The following RNF123 variants were observed in gnomAD, a reference collection of about 807,000 sequenced individuals.
RNF123 encodes E3 ubiquitin-protein ligase RNF123.
A neutral mutation model predicts 168.5 loss-of-function variants in RNF123; 86 were observed. The observed-to-expected ratio is 0.51, with a 90% CI of 0.43 to 0.61. RNF123 has a LOEUF of 0.61. RNF123 is among the 20% of genes least tolerant of loss of function. The pLI, the probability that RNF123 is intolerant of heterozygous loss-of-function variation, is 0.00. For synonymous variants in RNF123, 666 were observed against 689.1 expected (o/e 0.97, Z 0.52); for missense variants, 1,419 against 1,729.7 (o/e 0.82, Z 3.19).
chr3:49,711,142 C>T (rs1559683537), intron 26 of RNF123, among the ~76,000 whole-genome samples: 1 of 152,154 alleles, frequency 6.6e-6, no homozygotes, highest in African/African-American at 2.4e-5. Context: ...TCAAGACCAG[C>T]CTGGCCAACA....
Position 49,697,892 on chromosome 3 carries a change from G to T in RNF123, c.350G>T (p.Gly117Val). The change falls in exon 6 of 39, where the codon GGA becomes GTA. Residue 117 changes from glycine to valine, a missense_variant. This residue lies in a region of RNF123 where 318 missense variants were observed against 446.6 expected (regional missense o/e 0.71). Transcript: ENST00000327697. Reference protein sequence around the residue: ...LVDDDLLGVIGHSNFGTIRST... With the variant: ...LVDDDLLGVIVHSNFGTIRST... ...CCCCTCTTCTTCACCCAGGTGATTG[G>T]ACACAGCAACTTTGGCACCATCCGC... is the stretch of plus-strand genomic sequence containing the variant. 6.2e-7 allele frequency: 1 copy of T among 1,614,174 alleles called. No individual in the cohort carries two copies. Among genetic ancestry groups the T allele is most frequent in the Non-Finnish European group, 8.5e-7 (1 of 1,180,022 alleles).
intron 19 of RNF123, 49 bp from the exon 20 acceptor site, chr3:49,702,584 C>G: frequency 6.2e-7 from 1 of 1,613,952 alleles, no homozygotes; most frequent in Non-Finnish European, 8.5e-7. Flanking sequence ...GAGGAATGGG[C>G]AAGGCACTGG....
chr3:49,714,283 C>A, intron 31 of RNF123, 109 bp downstream of exon 31: 1 of 960,986 alleles, frequency 1.0e-6, no homozygotes, highest in Non-Finnish European at 1.6e-6. Context: ...TCTGGTTCCC[C>A]CATTGGGTCC....
Position 49,704,641 on chromosome 3 carries a change from TCCTC to T in RNF123, c.1853-6_1853-3del. 6.2e-7 allele frequency: 1 copy of T among 1,606,196 alleles called. No individual in the cohort carries two copies. The highest frequency in any genetic ancestry group is 8.5e-7 in the Non-Finnish European group (1 of 1,176,230). On this transcript the variant is annotated splice_polypyrimidine_tract_variant and splice_region_variant and intron_variant, in intron 21 of 38. Coordinates refer to ENST00000327697, the MANE Select transcript of RNF123 (RefSeq NM_022064.5). The stretch of plus-strand genomic sequence containing the variant: ...ACTGGCCTGAGAACCCTCCTGCTCT[TCCTC>T]CCAGATGACCTTGCTTCCAAAGCCA...
At chr3:49,706,937 G>C (rs373111628) in intron 26 of RNF123, 39 bp downstream of exon 26, 32 of 1,565,714 alleles carry the variant, frequency 2.0e-5, no homozygotes, top group Middle Eastern at 1.7e-4. Context: ...CGACCTCACT[G>C]TCTGGCCACG....
chr3:49,690,052 G>GTA (rs2054097526), intron 1 of RNF123, among the ~76,000 whole-genome samples: 1 of 152,222 alleles, frequency 6.6e-6, no homozygotes, highest in Non-Finnish European at 1.5e-5. Context: ...GCCCACCGAG[G>GTA]GCCCGAGGTC....
Position 49,704,697 on chromosome 3 carries a change from C to T in RNF123, c.1900C>T (p.Gln634Ter). Reference protein sequence around the residue: ...ANIVIDPLELQSTAMDDLDED... With the variant: ...ANIVIDPLEL ...CATTGTGATCGACCCACTGGAGCTC[C>T]AGTCAACCGCCATGGATGACCTAGA... Residue 634 changes from glutamine (Q) to a stop codon, truncating the protein, a stop_gained, in exon 22 of 39, where the codon CAG becomes TAG. Coordinates refer to ENST00000327697, the MANE Select transcript of RNF123 (RefSeq NM_022064.5). LOFTEE classifies it high-confidence loss of function. The T allele has an allele frequency of 6.2e-7, 1 of 1,606,342 alleles. No homozygotes were observed. The highest frequency in any genetic ancestry group is 8.5e-7 in the Non-Finnish European group (1 of 1,176,396).
rs763808969 is a variant in RNF123 at position 49,718,619 on chromosome 3, G to T, written c.3501-1892G>T. The stretch of plus-strand genomic sequence containing the variant: ...AGCGCGTACAGGTGCTCTTCCGGCC[G>T]CTCTAGGCCAAGAGCTGGGGCCGAC... On this transcript the variant is annotated intron_variant, in intron 35 of 38. Transcript: ENST00000327697. The T allele has an allele frequency of 5.6e-6, 9 of 1,613,002 alleles. No homozygotes were observed. In the South Asian group the frequency reaches 9.9e-5, roughly 18 times the overall value.
At chr3:49,698,722 C>A in intron 8 of RNF123, 33 bp from the exon 9 acceptor site, 1 of 1,608,540 alleles carries the variant, frequency 6.2e-7, no homozygotes, top group Non-Finnish European at 8.5e-7. Flanking sequence ...TGCTGGGCTT[C>A]TGTGCATCTG....
intron 26 of RNF123, among the ~76,000 whole-genome samples, chr3:49,708,885 A>T (rs1260191372): frequency 2.6e-5 from 4 of 152,212 alleles, no homozygotes; most frequent in Non-Finnish European, 5.9e-5. Context: ...TTGAGACCCT[A>T]ATTTCAATTC....
At chr3:49,694,157 C>G (rs1299633224) in intron 3 of RNF123, among the ~76,000 whole-genome samples, 1 of 152,124 alleles carries the variant, frequency 6.6e-6, no homozygotes, top group Non-Finnish European at 1.5e-5. Flanking sequence ...GTATAGAAAA[C>G]TTTAAAAAAA....
chr3:49,718,424 C>T (rs1360067821), intron 35 of RNF123: 5 of 1,612,844 alleles, frequency 3.1e-6, no homozygotes, highest in Non-Finnish European at 4.2e-6. Flanking sequence ...ACGAAGAGTC[C>T]CGCATGCTGC....
intron 18 of RNF123, 86 bp downstream of exon 18, chr3:49,702,230 T>G (rs967727176): frequency 3.0e-5 from 47 of 1,585,824 alleles, no homozygotes; most frequent in Non-Finnish European, 4.0e-5. Context: ...GGGAACTGGG[T>G]TTGGTTCCCA....
In RNF123 at chr3:49,705,964, T is replaced by C; in HGVS notation, c.2305-18T>C. ...GTGCCCAAGGGGCACTCTGGACATG[T>C]GGTCCCATGCTGTGTAGATGGTGGG... On this transcript the variant is annotated intron_variant, in intron 24 of 38. Coordinates refer to ENST00000327697, the MANE Select transcript of RNF123 (RefSeq NM_022064.5). 6.8e-6 allele frequency: 11 copies of C among 1,612,314 alleles called. No homozygotes were observed. Among genetic ancestry groups the C allele is most frequent in the Non-Finnish European group, 9.3e-6 (11 of 1,178,700 alleles).
rs763324151 is a variant in RNF123 at position 49,713,913 on chromosome 3, T to C, written c.2841T>C (p.Arg947=). The C allele has an allele frequency of 5.0e-6, 8 of 1,613,776 alleles. No individual in the cohort carries two copies. In the South Asian group the frequency reaches 7.7e-5, roughly 16 times the overall value. Residue 947 remains arginine (R), a synonymous_variant, in exon 30 of 39, where the codon CGT becomes CGC. Coordinates refer to ENST00000327697, the MANE Select transcript of RNF123 (RefSeq NM_022064.5). ...TCTCCCCTCCTTGCCCTCACAGGCG[T>C]ATCGCCATGGTGAGGAACCTCCTGG... ...RAVERIPEEQ[R]IAMVRNLLAP... is the part of the protein sequence containing the mutation.
Position 49,702,485 on chromosome 3 carries a change from G to A in RNF123, c.1629+80G>A, listed in dbSNP as rs1335786469. On this transcript the variant is annotated intron_variant, in intron 19 of 38. Transcript: ENST00000327697. Reference sequence around the variant, plus strand: ...ATGCCCTCAGCACCTGGCACTTCTCGGACTGCCTCATCCCTGCCTAGCCCC... The same window carrying A: ...ATGCCCTCAGCACCTGGCACTTCTCAGACTGCCTCATCCCTGCCTAGCCCC... 10 of 1,600,092 alleles carry A rather than the reference G, an allele frequency of 6.2e-6. No homozygotes were observed. The Admixed American group carries it at 6.7e-5, about 11-fold the overall frequency.
In RNF123 at chr3:49,708,260, G is replaced by A. The variant is rs1021725157; in HGVS notation, c.2496+1362G>A. 3.3e-5 allele frequency among the ~76,000 whole-genome samples: 5 copies of A among 152,144 alleles called. No homozygotes were observed. In the East Asian group the frequency reaches 7.7e-4, roughly 23 times the overall value. On this transcript the variant is annotated intron_variant, in intron 26 of 38. Coordinates refer to ENST00000327697, the MANE Select transcript of RNF123 (RefSeq NM_022064.5). ...GTTACAGGCGTGCGCCACTGTGCCC[G>A]GTCACCCATCATAGCCATTTTTAAG...
intron 36 of RNF123, 36 bp downstream of exon 36, chr3:49,720,689 G>C (rs1485235413): frequency 1.3e-6 from 2 of 1,596,252 alleles, no homozygotes; most frequent in Middle Eastern, 1.7e-4. Flanking sequence ...GGGAAATCTG[G>C]GGCTGGGTCG....
At chr3:49,718,284 GC>G in intron 35 of RNF123, 1 of 1,613,072 alleles carries the variant, frequency 6.2e-7, no homozygotes, top group Non-Finnish European at 8.5e-7. Context: ...CGAGCACAAG[GC>G]CCACGGCACA....
Sources: allele counts gnomAD v4.1 joint callset (sites outside exome capture counted in the v4.1 genomes callset), GRCh38; gene constraint gnomAD v4.1.1; regional missense constraint gnomAD v4.1.1; transcripts MANE v1.5; gene names NCBI Gene and HGNC (gene_info 2026-07-23, HGNC 2026-07-21).